The following PLEKHG1 variants were observed in gnomAD, a reference collection of about 807,000 sequenced individuals.
PLEKHG1 encodes pleckstrin homology and RhoGEF domain containing G1.
PLEKHG1 carries 44 observed loss-of-function variants against 100.8 expected under a neutral mutation model. The observed-to-expected ratio is 0.44, with a 90% CI of 0.34 to 0.56. The LOEUF is 0.56. Among genes scored for constraint, PLEKHG1 ranks in the 20% least tolerant of loss-of-function variants. The probability of loss-of-function intolerance (pLI) is 0.01; values close to 1 mark genes in which losing one functional copy is unlikely to be tolerated. For synonymous variants in PLEKHG1, 640 were observed against 662.5 expected, an observed-to-expected ratio of 0.97 and a Z score of 0.52; for missense variants, 1,545 against 1,720.9, an observed-to-expected ratio of 0.90 and a Z score of 1.81.
intron 3 of PLEKHG1, among the ~76,000 whole-genome samples, chr6:150,770,132 G>C (rs1030103045): frequency 2.0e-5 from 3 of 152,128 alleles, no homozygotes; most frequent in African/African-American, 7.2e-5. Context: ...ATAAGCCTAC[G>C]ATGCTCTTGA....
At chr6:150,766,353 C>T (rs1784454104) in intron 2 of PLEKHG1, among the ~76,000 whole-genome samples, 1 of 152,220 alleles carries the variant, frequency 6.6e-6, no homozygotes, top group African/African-American at 2.4e-5. Context: ...GGTGTCCTTA[C>T]ACTGTCATTT....
Position 150,612,433 on chromosome 6 carries a change from G to A in PLEKHG1, c.-204+12416G>A, listed in dbSNP as rs139767700. Among the ~76,000 whole-genome samples, 741 of 152,006 alleles carry A rather than the reference G, an allele frequency of 4.9e-3. 4 individuals carry two copies. The highest frequency in any genetic ancestry group is 0.016 in the African/African-American group (665 of 41,480). ...TTGTAACCTCTGCCTCCCGGATTCCGGCAATTCTCCTGCCTCAGCCTCCCG... is the reference window on the plus strand; with the variant it reads ...TTGTAACCTCTGCCTCCCGGATTCCAGCAATTCTCCTGCCTCAGCCTCCCG... On this transcript the variant is annotated intron_variant, in intron 1 of 3. Transcript: ENST00000367326.
chr6:150,670,877 C>T (rs950575886), intron 3 of PLEKHG1, among the ~76,000 whole-genome samples: 5 of 145,622 alleles, frequency 3.4e-5, no homozygotes, highest in Non-Finnish European at 7.5e-5. Flanking sequence ...TTGCCCCCCC[C>T]TCCCATTCTT....
chr6:150,703,569 C>G (rs1780884765), intron 3 of PLEKHG1, among the ~76,000 whole-genome samples: 1 of 149,772 alleles, frequency 6.7e-6, no homozygotes, highest in Admixed American at 6.6e-5. Context: ...CCACTGCACT[C>G]TTGCCTGGGC....
chr6:150,810,383 C>T lies in PLEKHG1; in HGVS notation c.1278+649C>T, dbSNP rs181700321. Among the ~76,000 whole-genome samples, 100 of 150,884 alleles carry T rather than the reference C, an allele frequency of 6.6e-4. No homozygotes were observed. The Middle Eastern group carries it at 0.01, about 16-fold the overall frequency. ...TGCAACCTCTTGTGCCTCAGCCACC[C>T]GAGTAGCTGGGACTACAGGTGCGCA... On this transcript the variant is annotated intron_variant, in intron 10 of 15. Transcript: ENST00000358517.
chr6:150,819,505 G>A (rs1484289207), intron 11 of PLEKHG1, among the ~76,000 whole-genome samples, 174 bp from the exon 13 acceptor site: 4 of 152,006 alleles, frequency 2.6e-5, no homozygotes, highest in Non-Finnish European at 2.9e-5. Flanking sequence ...GTGGAGGTCA[G>A]CAGTGAGCCG....
At chr6:150,756,484 C>T (rs540702012) in intron 2 of PLEKHG1, among the ~76,000 whole-genome samples, 12 of 152,266 alleles carry the variant, frequency 7.9e-5, no homozygotes, top group Admixed American at 1.3e-4. Flanking sequence ...TACCTAATGT[C>T]GCCAGGGTGT....
chr6:150,802,221 T>C (rs1786756023), intron 6 of PLEKHG1, among the ~76,000 whole-genome samples: 2 of 152,228 alleles, frequency 1.3e-5, no homozygotes, highest in Admixed American at 1.3e-4. Context: ...GAGAATCTTA[T>C]GTTCTATGAA....
intron 2 of PLEKHG1, among the ~76,000 whole-genome samples, chr6:150,765,531 A>C (rs1305527589): frequency 6.6e-6 from 1 of 151,850 alleles, no homozygotes; most frequent in Non-Finnish European, 1.5e-5. Flanking sequence ...TCAGAAGAAG[A>C]AGGGAAGTGC....
chr6:150,736,992 G>A (rs1381943673), intron 2 of PLEKHG1, among the ~76,000 whole-genome samples: 1 of 152,236 alleles, frequency 6.6e-6, no homozygotes, highest in Admixed American at 6.5e-5. Flanking sequence ...AAATGAAGAG[G>A]GAGGGACCCA....
At chr6:150,840,415 T>C in exon 16 of PLEKHG1, 1 of 1,614,144 alleles carries the variant, frequency 6.2e-7, no homozygotes, top group Non-Finnish European at 8.5e-7. Flanking sequence ...CTGCCAGATA[T>C]TGCTGACTCG....
chr6:150,704,727 G>A (rs956099869), intron 3 of PLEKHG1, among the ~76,000 whole-genome samples: 1 of 152,240 alleles, frequency 6.6e-6, no homozygotes, highest in Non-Finnish European at 1.5e-5. Flanking sequence ...AGCTTGGACT[G>A]CCATAACAAT....
chr6:150,681,261 C>T (rs1779920946), intron 3 of PLEKHG1, among the ~76,000 whole-genome samples: 1 of 152,098 alleles, frequency 6.6e-6, no homozygotes, highest in African/African-American at 2.4e-5. Flanking sequence ...GTGGCTCATG[C>T]CTGTAATCCC....
chr6:150,648,686 C>T (rs1183626201), intron 2 of PLEKHG1, among the ~76,000 whole-genome samples: 2 of 152,090 alleles, frequency 1.3e-5, no homozygotes, highest in African/African-American at 4.8e-5. Context: ...CTGGCTTTAT[C>T]AAATTGGGGA....
chr6:150,634,070 C>G (rs139215966), intron 1 of PLEKHG1, among the ~76,000 whole-genome samples: 21 of 151,100 alleles, frequency 1.4e-4, no homozygotes, highest in South Asian at 2.1e-4. Context: ...AGAGAAACCC[C>G]GTCTCTACTA....
chr6:150,604,292 A>G (rs1776494574), intron 1 of PLEKHG1, among the ~76,000 whole-genome samples: 1 of 152,198 alleles, frequency 6.6e-6, no homozygotes, highest in Non-Finnish European at 1.5e-5. Flanking sequence ...TTGAGCACCA[A>G]TTTAAATGGC....
At chr6:150,638,250 C>G (rs1365955589) in intron 2 of PLEKHG1, 1 of 152,330 alleles carries the variant, frequency 6.6e-6, no homozygotes, top group African/African-American at 2.4e-5. Flanking sequence ...AAGGCCGCAG[C>G]TCCGGCTAAG....
At chr6:150,731,497 C>T (rs1490571176) in intron 1 of PLEKHG1, among the ~76,000 whole-genome samples, 3 of 152,174 alleles carry the variant, frequency 2.0e-5, no homozygotes. Flanking sequence ...GAAGGAGAGA[C>T]TTGTTGGATA....
Position 150,734,107 on chromosome 6 carries a change from G to A in PLEKHG1, c.411+15G>A, listed in dbSNP as rs773741897. 54 of 1,587,380 alleles carry A rather than the reference G, an allele frequency of 3.4e-5. No individual in the cohort carries two copies. Among genetic ancestry groups the A allele is most frequent in the East Asian group, 1.4e-4 (6 of 44,440 alleles). On this transcript the variant is annotated intron_variant, in intron 2 of 15. Transcript: ENST00000358517. ...GCATCGTAGAGGTAAGACCGACTTC[G>A]CTTTTAATGTTTGCCATGCAGGAGA...
Sources: gnomAD v4.1 joint callset for allele counts (sites outside exome capture counted in the v4.1 genomes callset) on GRCh38, gnomAD v4.1.1 for gene constraint, MANE v1.5 for transcripts, NCBI Gene and HGNC (gene_info 2026-07-23, HGNC 2026-07-21) for gene names.